The following PLCG2 variants were observed in gnomAD, a reference collection of about 807,000 sequenced individuals.
PLCG2 encodes the protein phospholipase C gamma 2.
A neutral mutation model predicts 175.6 loss-of-function variants in PLCG2; 69 were observed. The observed-to-expected ratio is 0.39, with a 90% CI of 0.32 to 0.48. The LOEUF (loss-of-function observed/expected upper bound fraction) is 0.48, where lower values mean the gene tolerates loss of function less well. Among genes scored for constraint, PLCG2 ranks in the 20% least tolerant of loss-of-function variants. The pLI, the probability that PLCG2 is intolerant of heterozygous loss-of-function variation, is 0.91. For synonymous variants in PLCG2, 827 were observed against 624.0 expected (o/e 1.33, Z -4.85); for missense variants, 1,798 against 1,650.9 (o/e 1.09, Z -1.54).
chr16:81,833,343 G>C (rs1181863642), intron 2 of PLCG2, among the ~76,000 whole-genome samples: 1 of 152,090 alleles, frequency 6.6e-6, no homozygotes, highest in Non-Finnish European at 1.5e-5. Flanking sequence ...CACACCCCCA[G>C]GGTCCTTTTT....
chr16:81,821,791 C>T (rs536483574), intron 2 of PLCG2, among the ~76,000 whole-genome samples: 5 of 152,154 alleles, frequency 3.3e-5, no homozygotes, highest in African/African-American at 1.2e-4. Context: ...GCATAACTTC[C>T]TACCCAAAAG....
chr16:81,880,878 G>A, intron 7 of PLCG2, 32 bp from the exon 8 acceptor site: 1 of 1,611,178 alleles, frequency 6.2e-7, no homozygotes, highest in Admixed American at 1.7e-5. Flanking sequence ...CTTGTCTAAG[G>A]TTCTTTTTTT....
At chr16:81,781,457 G>A (rs4888174) in intron 1 of PLCG2, among the ~76,000 whole-genome samples, 128,162 of 151,600 alleles carry the variant, frequency 0.85, 54,250 homozygotes, top group South Asian at 0.95. Flanking sequence ...TATTGCTTCC[G>A]TGATTTTCTG....
At chr16:81,898,420 T>C (rs1908992350) in intron 13 of PLCG2, 1 of 152,472 alleles carries the variant, frequency 6.6e-6, no homozygotes, top group African/African-American at 2.4e-5. Flanking sequence ...TTAGCTGTTA[T>C]GTTCTAGTAA....
At chr16:81,897,547 TC>T (rs1386525239) in intron 13 of PLCG2, among the ~76,000 whole-genome samples, 2 of 110,468 alleles carry the variant, frequency 1.8e-5, no homozygotes, top group African/African-American at 6.2e-5. Context: ...TCTTTTCTTT[TC>T]TTTTTTTTTT....
Position 81,894,390 on chromosome 16 carries a change from C to T in PLCG2, c.1072+596C>T, listed in dbSNP as rs188636412. ...GCTGTGGTGAGCTGTGATTGTGCCA[C>T]TGCACTCTAGCCTGGGCAACAGAGC... On this transcript the variant is annotated intron_variant, in intron 12 of 32. Transcript: ENST00000564138. Among the ~76,000 whole-genome samples the T allele has an allele frequency of 4.1e-3, 629 of 152,316 alleles. 20 individuals carry two copies. Among genetic ancestry groups the T allele is most frequent in the Admixed American group, 0.036 (552 of 15,304 alleles).
rs1908708840 is a variant in PLCG2, at chr16:81,892,989, C to T, written c.987-720C>T. Among the ~76,000 whole-genome samples, 3 of 151,828 alleles carry T rather than the reference C, an allele frequency of 2.0e-5. No homozygotes were observed. In the South Asian group the frequency reaches 6.3e-4, roughly 32 times the overall value. On this transcript the variant is annotated intron_variant, in intron 11 of 32. Transcript: ENST00000564138. ...CCTCCCGAGTAGCTGGGACTCCGGG[C>T]ACGAGCCACCATGCCCTGTTTTGTT... is the stretch of plus-strand genomic sequence containing the variant.
At chr16:81,931,253 C>T (rs913561299) in intron 24 of PLCG2, 32 of 365,974 alleles carry the variant, frequency 8.7e-5, no homozygotes, top group African/African-American at 6.3e-4. Context: ...TATAAGGTCC[C>T]ATTCACAGGT....
intron 9 of PLCG2, among the ~76,000 whole-genome samples, chr16:81,884,748 G>A (rs1017381336): frequency 6.6e-6 from 1 of 151,374 alleles, no homozygotes; most frequent in South Asian, 2.1e-4. Context: ...AGTAGTTTTA[G>A]GGTTGCAGCA....
intron 2 of PLCG2, among the ~76,000 whole-genome samples, chr16:81,818,398 G>A (rs7206632): frequency 0.012 from 1,768 of 152,312 alleles, 29 homozygotes; most frequent in African/African-American, 0.041. Flanking sequence ...TCTTTGAAAG[G>A]GGGCTGTTTG....
chr16:81,865,293 C>T (rs565302049), intron 5 of PLCG2, among the ~76,000 whole-genome samples: 1 of 152,158 alleles, frequency 6.6e-6, no homozygotes, highest in Non-Finnish European at 1.5e-5. Flanking sequence ...TTGGCTTCCT[C>T]CCCTGCAGCG....
intron 14 of PLCG2, among the ~76,000 whole-genome samples, chr16:81,903,821 T>C (rs906407787): frequency 6.6e-6 from 1 of 152,144 alleles, no homozygotes; most frequent in Non-Finnish European, 1.5e-5. Context: ...TGTTCTAAGA[T>C]GCAAAGTACT....
intron 2 of PLCG2, among the ~76,000 whole-genome samples, chr16:81,801,063 T>C (rs1202279105): frequency 6.6e-6 from 1 of 152,168 alleles, no homozygotes; most frequent in Admixed American, 6.5e-5. Context: ...GATGCCTTGA[T>C]TTTAGCCCCA....
At chr16:81,929,436 C>T (rs893934937) in intron 24 of PLCG2, among the ~76,000 whole-genome samples, 4 of 152,224 alleles carry the variant, frequency 2.6e-5, no homozygotes, top group Admixed American at 2.6e-4. Flanking sequence ...CGCTGTGTCA[C>T]CCAGGCTGGA....
chr16:81,810,882 C>G (rs1245047145), intron 2 of PLCG2, among the ~76,000 whole-genome samples: 1 of 152,118 alleles, frequency 6.6e-6, no homozygotes, highest in East Asian at 1.9e-4. Context: ...TTGTACATGA[C>G]TATATTTATA....
At chr16:81,879,688 C>T (rs150903401) in intron 7 of PLCG2, among the ~76,000 whole-genome samples, 2 of 152,288 alleles carry the variant, frequency 1.3e-5, no homozygotes, top group African/African-American at 2.4e-5. Flanking sequence ...CTTATCCAAT[C>T]GCAGTGTCAT....
chr16:81,869,424 C>T (rs950494824), intron 6 of PLCG2, 126 bp downstream of exon 6: 1 of 692,822 alleles, frequency 1.4e-6, no homozygotes, highest in Non-Finnish European at 2.6e-6. Context: ...CTCCAGAGTA[C>T]ATCTTAGTTC....
chr16:81,829,349 T>A (rs1309513412), intron 2 of PLCG2, among the ~76,000 whole-genome samples: 2 of 152,206 alleles, frequency 1.3e-5, no homozygotes, highest in African/African-American at 4.8e-5. Context: ...CTTCAGGTGA[T>A]CTGCCCGCCT....
chr16:81,851,788 C>T (rs148632079), intron 2 of PLCG2, among the ~76,000 whole-genome samples: 219 of 151,502 alleles, frequency 1.4e-3, no homozygotes, highest in Non-Finnish European at 2.7e-3. Context: ...GCTGGGATTA[C>T]AGGCGTGGGC....
Sources: gnomAD v4.1 joint callset for allele counts (sites outside exome capture counted in the v4.1 genomes callset) on GRCh38, gnomAD v4.1.1 for gene constraint, MANE v1.5 for transcripts, NCBI Gene and HGNC (gene_info 2026-07-23, HGNC 2026-07-21) for gene names.